RASEF: variants seen among roughly 807,000 people sequenced by gnomAD.
The protein encoded by RASEF is ras and EF-hand domain-containing protein.
RASEF carries 68 observed loss-of-function variants against 90.1 expected under a neutral mutation model. The observed-to-expected ratio is 0.75, with a 90% CI of 0.62 to 0.92. The LOEUF (loss-of-function observed/expected upper bound fraction) is 0.92, where lower values mean the gene tolerates loss of function less well. Ranked by LOEUF, RASEF falls within the 40% of genes least tolerant of loss-of-function variation. The pLI is 0.00. For synonymous variants in RASEF, 331 were observed against 345.2 expected, an observed-to-expected ratio of 0.96 and a Z score of 0.46; for missense variants, 949 against 937.2, an observed-to-expected ratio of 1.01 and a Z score of -0.16.
the RASEF span, among the ~76,000 whole-genome samples, chr9:83,199,255 G>T: frequency 3.3e-5 from 3 of 92,258 alleles, no homozygotes; most frequent in African/African-American, 1.2e-4. Flanking sequence ...AAAAAAAAAA[G>T]CACCTGACCT....
chr9:83,219,123 TAAA>T, the RASEF span, among the ~76,000 whole-genome samples: 1 of 152,174 alleles, frequency 6.6e-6, no homozygotes, highest in Non-Finnish European at 1.5e-5. Context: ...CTCAAAGTAA[TAAA>T]TAATAATAAT....
chr9:83,135,464 G>A, the RASEF span, among the ~76,000 whole-genome samples: 10 of 151,796 alleles, frequency 6.6e-5, no homozygotes, highest in African/African-American at 1.7e-4. Context: ...TGCACGTTGC[G>A]CACATGTACC....
the RASEF span, among the ~76,000 whole-genome samples, chr9:83,175,400 T>C: frequency 1.3e-5 from 2 of 152,206 alleles, no homozygotes; most frequent in Non-Finnish European, 1.5e-5. Flanking sequence ...ATACAGCATA[T>C]GACTTTAACT....
the RASEF span, among the ~76,000 whole-genome samples, chr9:83,083,981 T>C: frequency 6.6e-6 from 1 of 152,142 alleles, no homozygotes; most frequent in Non-Finnish European, 1.5e-5. Flanking sequence ...AAAGAATCTA[T>C]AGGTTCAACA....
the RASEF span, among the ~76,000 whole-genome samples, chr9:83,125,810 G>A: frequency 1.3e-5 from 2 of 152,198 alleles, no homozygotes; most frequent in Non-Finnish European, 2.9e-5. Context: ...GAGAGTCACT[G>A]TGTCCGTTGA....
At chr9:83,213,939 G>T in the RASEF span, among the ~76,000 whole-genome samples, 1 of 152,148 alleles carries the variant, frequency 6.6e-6, no homozygotes, top group East Asian at 1.9e-4. Context: ...CATGGATTCT[G>T]CCAGGCACAG....
intron 1 of RASEF, among the ~76,000 whole-genome samples, chr9:83,053,276 T>C (rs1200225707): frequency 1.3e-5 from 1 of 75,010 alleles, no homozygotes; most frequent in Admixed American, 1.1e-4. Flanking sequence ...TCTTGTTGAA[T>C]TGATCCCTTT....
Position 83,001,040 on chromosome 9 carries a change from C to A in RASEF, c.1293G>T (p.Leu431=). The A allele has an allele frequency of 6.2e-7, 1 of 1,614,160 alleles. No individual in the cohort carries two copies. Among genetic ancestry groups the A allele is most frequent in the Non-Finnish European group, 8.5e-7 (1 of 1,180,024 alleles). Residue 431 remains leucine (L), a synonymous_variant, in exon 10 of 17, where the codon CTG becomes CTT. Coordinates refer to ENST00000376447, the MANE Select transcript of RASEF (RefSeq NM_152573.4). ...AGCCGCTGTCGAAGCAGCTTTCAGG[C>A]AGGCTGTCAACTTCACAATTTGTCC... The part of the protein sequence containing the change: ...LQRTNCEVDS[L]PESCFDSGLS...
chr9:83,110,649 C>T, the RASEF span, among the ~76,000 whole-genome samples: 1 of 152,214 alleles, frequency 6.6e-6, no homozygotes, highest in East Asian at 1.9e-4. Context: ...ACAGATTCTT[C>T]AGCGAAAGAA....
At chr9:83,067,937 G>A (rs1309896739), upstream of RASEF, among the ~76,000 whole-genome samples, 2 of 152,176 alleles carry the variant, frequency 1.3e-5, no homozygotes, top group Non-Finnish European at 1.5e-5. Context: ...GTGCAGTGGT[G>A]TGATCATGGC....
chr9:83,055,453 G>T (rs1020725305), intron 1 of RASEF: 2 of 647,550 alleles, frequency 3.1e-6, no homozygotes, highest in African/African-American at 1.8e-5. Context: ...CTCGCACTCC[G>T]TAGTGAGATG....
rs769252109 is a variant in RASEF, at chr9:83,000,956, C to T, written c.1377G>A (p.Arg459=). ...YDSEVEYKHQ[R]GFQRSHGVQE... is the part of the protein sequence containing the mutation. ...GCACCCCGTGTGACCTCTGAAATCC[C>T]CTCTGGTGCTTGTATTCCACTTCTG... Residue 459 remains arginine (R), a synonymous_variant, in exon 10 of 17, where the codon AGG becomes AGA. Transcript: ENST00000376447. 66 of 1,614,026 alleles carry T rather than the reference C, an allele frequency of 4.1e-5. 1 individual carries two copies. The highest frequency in any genetic ancestry group is 5.5e-5 in the Non-Finnish European group (65 of 1,180,050).
At chr9:83,026,143 G>A (rs1829544627) in intron 1 of RASEF, among the ~76,000 whole-genome samples, 1 of 152,144 alleles carries the variant, frequency 6.6e-6, no homozygotes, top group Non-Finnish European at 1.5e-5. Context: ...TGCACAGCAA[G>A]GGACTAATAA....
the RASEF span, among the ~76,000 whole-genome samples, chr9:83,183,262 GTATA>G: frequency 0.039 from 5,888 of 150,136 alleles, 130 homozygotes; most frequent in Middle Eastern, 0.059. Flanking sequence ...TTGTGTGTGT[GTATA>G]TATATATATA....
rs1406412078 is a variant in RASEF at position 83,017,823 on chromosome 9, A to G, written c.670-1923T>C. On this transcript the variant is annotated intron_variant, in intron 3 of 16. Coordinates refer to ENST00000376447, the MANE Select transcript of RASEF (RefSeq NM_152573.4). Reference sequence around the variant, plus strand: ...TAAAATTTAGCAAACTGAATTCAACAATCTATAGAAAGGATAATACATCAT... The same window carrying G: ...TAAAATTTAGCAAACTGAATTCAACGATCTATAGAAAGGATAATACATCAT... Among the ~76,000 whole-genome samples the G allele has an allele frequency of 2.0e-5, 3 of 152,258 alleles. No individual in the cohort carries two copies. In the East Asian group the frequency reaches 5.8e-4, roughly 29 times the overall value.
chr9:83,056,428 C>T (rs1340890376), intron 1 of RASEF, among the ~76,000 whole-genome samples: 1 of 152,188 alleles, frequency 6.6e-6, no homozygotes, highest in Non-Finnish European at 1.5e-5. Flanking sequence ...ATACTGCACT[C>T]AAGTGCTACC....
In RASEF at chr9:82,980,442, T is replaced by C. The variant is rs1252798180; in HGVS notation, c.*2235A>G. On this transcript the variant is annotated 3_prime_UTR_variant, in exon 17 of 17. Coordinates refer to ENST00000376447, the MANE Select transcript of RASEF (RefSeq NM_152573.4). ...TTATCAGGGCTCAAATACTTAAAGA[T>C]GATTGGTTGACCATCAAAGGCACTG... The C allele has an allele frequency of 9.1e-6, 1 of 109,604 alleles. No homozygotes were observed. Among genetic ancestry groups the C allele is most frequent in the Non-Finnish European group, 1.9e-5 (1 of 51,394 alleles). The allele number at this position is 109,604 out of a possible 1,614,324, so 6.8% of individuals were successfully genotyped here. A position where few individuals can be genotyped will look rare whatever the true frequency, so the allele number is the denominator to read the frequency against.
Position 82,992,894 on chromosome 9 carries a change from C to T in RASEF, c.2040+12G>A, listed in dbSNP as rs1462725351. 5.6e-6 allele frequency: 9 copies of T among 1,613,032 alleles called. No homozygotes were observed. The highest frequency in any genetic ancestry group is 7.6e-6 in the Non-Finnish European group (9 of 1,179,472). ...ATGTTCTCTTCTAATTCTGAGGCAT[C>T]CTCACTCTTACCATGGCCAGTTTCT... On this transcript the variant is annotated intron_variant, in intron 15 of 16. Coordinates refer to ENST00000376447, the MANE Select transcript of RASEF (RefSeq NM_152573.4).
the RASEF span, among the ~76,000 whole-genome samples, chr9:83,161,143 G>A: frequency 6.6e-6 from 1 of 152,202 alleles, no homozygotes; most frequent in Non-Finnish European, 1.5e-5. Flanking sequence ...TAGTGGAACT[G>A]TGAGAAGAGG....
Sources: allele counts gnomAD v4.1 joint callset (sites outside exome capture counted in the v4.1 genomes callset), GRCh38; gene constraint gnomAD v4.1.1; transcripts MANE v1.5; gene names NCBI Gene and HGNC (gene_info 2026-07-23, HGNC 2026-07-21).